The following PAIP2 variants were observed in gnomAD, a reference collection of about 807,000 sequenced individuals.
PAIP2 encodes the protein poly(A) binding protein interacting protein 2.
In PAIP2, 7 loss-of-function variants were observed where a neutral mutation model predicts 14.8. The ratio of observed to expected loss-of-function variants is 0.47; its 90% CI spans 0.27 to 0.89. The LOEUF is 0.89. PAIP2 is among the 40% of genes least tolerant of loss of function. The pLI, the probability that PAIP2 is intolerant of heterozygous loss-of-function variation, is 0.13. For synonymous variants in PAIP2, 47 were observed against 45.3 expected (o/e 1.04, Z -0.15); for missense variants, 122 against 154.7 (o/e 0.79, Z 1.12).
chr5:139,359,975 T>A (rs558126828), intron 1 of PAIP2, among the ~76,000 whole-genome samples: 1 of 152,132 alleles, frequency 6.6e-6, no homozygotes, highest in South Asian at 2.1e-4. Flanking sequence ...TTTCTTCTTT[T>A]CTTTTTTTTG....
In PAIP2 at chr5:139,354,822, CTTT is replaced by C. The variant is rs113652416; in HGVS notation, c.-26-8923_-26-8921del. Reference sequence around the variant, plus strand: ...AGTAAATTTTTCATTTCAGTTGTACCTTTTTTTTTTTTTTTTGAGATGGAGTCT... The same window carrying C: ...AGTAAATTTTTCATTTCAGTTGTACCTTTTTTTTTTTTTGAGATGGAGTCT... On this transcript the variant is annotated intron_variant, in intron 1 of 3. Transcript: ENST00000265192. Among the ~76,000 whole-genome samples, 9 of 139,434 alleles carry C rather than the reference CTTT, an allele frequency of 6.5e-5. No individual in the cohort carries two copies. The South Asian group carries it at 1.4e-3, about 21-fold the overall frequency. 91.5% of individuals were successfully genotyped at this position (139,434 alleles called of 152,430 possible).
At chr5:139,344,075 C>G (rs1441716764) in intron 1 of PAIP2, among the ~76,000 whole-genome samples, 1 of 152,168 alleles carries the variant, frequency 6.6e-6, no homozygotes, top group South Asian at 2.1e-4. Context: ...TAATGCCAGG[C>G]ATTGTTCTCA....
intron 1 of PAIP2, among the ~76,000 whole-genome samples, chr5:139,359,242 T>C (rs1757002977): frequency 1.3e-5 from 2 of 152,144 alleles, no homozygotes; most frequent in African/African-American, 2.4e-5. Flanking sequence ...GTTCAAGTGA[T>C]TCTCCTGCCT....
Position 139,352,181 on chromosome 5 carries a change from A to AG in PAIP2, c.-27+10201_-27+10202insG, listed in dbSNP as rs199816166. ...TATTCCAAAATCTGAAAAAAAAAAA[A>AG]ACACCAAAACACTTCTGGTTCTAAG... On this transcript the variant is annotated intron_variant, in intron 1 of 3. Coordinates refer to ENST00000265192, the MANE Select transcript of PAIP2 (RefSeq NM_016480.5). 2.9e-3 allele frequency among the ~76,000 whole-genome samples: 422 copies of AG among 145,572 alleles called. 4 individuals carry two copies. Among genetic ancestry groups the AG allele is most frequent in the African/African-American group, 9.8e-3 (403 of 41,116 alleles).
intron 1 of PAIP2, among the ~76,000 whole-genome samples, chr5:139,346,987 T>C (rs1756571058): frequency 6.6e-6 from 1 of 152,076 alleles, no homozygotes; most frequent in African/African-American, 2.4e-5. Context: ...GTTTTTGTAT[T>C]ACTAGAGATG....
At chr5:139,358,509 C>T (rs1474537538) in intron 1 of PAIP2, among the ~76,000 whole-genome samples, 1 of 152,004 alleles carries the variant, frequency 6.6e-6, no homozygotes, top group Non-Finnish European at 1.5e-5. Flanking sequence ...TAGCATTGAA[C>T]ACATTGGGTA....
chr5:139,343,797 A>G (rs1349384919), intron 1 of PAIP2, among the ~76,000 whole-genome samples: 5 of 149,666 alleles, frequency 3.3e-5, no homozygotes, highest in Non-Finnish European at 7.4e-5. Context: ...GCTCACTGCA[A>G]CCTCCGCCTC....
intron 1 of PAIP2, among the ~76,000 whole-genome samples, chr5:139,348,934 C>T (rs1331815258): frequency 1.3e-5 from 2 of 152,084 alleles, no homozygotes; most frequent in African/African-American, 4.8e-5. Context: ...CCTCAGCCTC[C>T]CAAAGTGCTG....
chr5:139,345,333 C>G (rs560419331), intron 1 of PAIP2, among the ~76,000 whole-genome samples: 3 of 151,950 alleles, frequency 2.0e-5, no homozygotes, highest in East Asian at 3.9e-4. Flanking sequence ...GCCACCGCGC[C>G]CAGCCCAGAG....
chr5:139,350,634 A>AAAAT (rs1019786596), intron 1 of PAIP2, among the ~76,000 whole-genome samples: 2 of 144,888 alleles, frequency 1.4e-5, no homozygotes, highest in East Asian at 2.0e-4. Context: ...CTGTCTCAAA[A>AAAAT]AAATAAATAA....
chr5:139,343,317 G>C (rs1358763723), intron 1 of PAIP2: 1 of 152,194 alleles, frequency 6.6e-6, no homozygotes, highest in African/African-American at 2.4e-5. Flanking sequence ...GAACCCACTT[G>C]TGTTTCTTTA....
At chr5:139,349,934 A>G (rs1405303280) in intron 1 of PAIP2, among the ~76,000 whole-genome samples, 2 of 152,062 alleles carry the variant, frequency 1.3e-5, no homozygotes, top group African/African-American at 4.8e-5. Context: ...CGCGGGAGGC[A>G]GAGGTTACAG....
intron 1 of PAIP2, among the ~76,000 whole-genome samples, chr5:139,356,001 G>A (rs1300491780): frequency 6.6e-6 from 1 of 152,056 alleles, no homozygotes; most frequent in Non-Finnish European, 1.5e-5. Flanking sequence ...AGCCAGACAT[G>A]GTGTTGGGTG....
chr5:139,362,549 T>G (rs980660515), intron 1 of PAIP2, among the ~76,000 whole-genome samples: 4 of 152,104 alleles, frequency 2.6e-5, no homozygotes, highest in African/African-American at 9.6e-5. Flanking sequence ...TAGCTGGGAT[T>G]ACAGGCATGT....
At chr5:139,364,054 A>T in intron 2 of PAIP2, 132 bp downstream of exon 2, 1 of 749,326 alleles carries the variant, frequency 1.3e-6, no homozygotes, top group Non-Finnish European at 2.2e-6. Context: ...ACTCCTGTTT[A>T]TTTGGCTGCT....
chr5:139,344,684 AATGTAC>A (rs778018726), intron 1 of PAIP2, among the ~76,000 whole-genome samples: 24 of 152,126 alleles, frequency 1.6e-4, no homozygotes, highest in Non-Finnish European at 2.9e-4. Context: ...TGGCATTTCT[AATGTAC>A]TTGAGCTTTT....
At chr5:139,348,200 A>G (rs1756616078) in intron 1 of PAIP2, among the ~76,000 whole-genome samples, 1 of 149,484 alleles carries the variant, frequency 6.7e-6, no homozygotes, top group Non-Finnish European at 1.5e-5. Flanking sequence ...ATTTATTTAT[A>G]TTTTTTGAGA....
chr5:139,347,367 G>A lies in PAIP2; in HGVS notation c.-27+5387G>A, dbSNP rs186645357. Among the ~76,000 whole-genome samples the A allele has an allele frequency of 9.8e-5, 14 of 143,212 alleles. No individual in the cohort carries two copies. The East Asian group carries it at 1.7e-3, about 18-fold the overall frequency. The allele number at this position is 143,212 out of a possible 152,430, so 94.0% of individuals were successfully genotyped here. On this transcript the variant is annotated intron_variant, in intron 1 of 3. Coordinates refer to ENST00000265192, the MANE Select transcript of PAIP2 (RefSeq NM_016480.5). ...TGGCTCACTGCTACCTCCACCTCCCGAGTTCAAGCGATTCTCCTGCCTCAG... is the reference window on the plus strand; with the variant it reads ...TGGCTCACTGCTACCTCCACCTCCCAAGTTCAAGCGATTCTCCTGCCTCAG...
intron 1 of PAIP2, among the ~76,000 whole-genome samples, chr5:139,363,079 A>G (rs866051074): frequency 6.6e-6 from 1 of 152,034 alleles, no homozygotes; most frequent in Non-Finnish European, 1.5e-5. Flanking sequence ...CATCTCTACT[A>G]AAAATACAAA....
Sources: allele counts gnomAD v4.1 joint callset (sites outside exome capture counted in the v4.1 genomes callset), GRCh38; gene constraint gnomAD v4.1.1; transcripts MANE v1.5; gene names NCBI Gene and HGNC (gene_info 2026-07-23, HGNC 2026-07-21).